Variants in PPP2R2D observed in about 807,000 individuals in gnomAD.
PPP2R2D encodes protein phosphatase 2 regulatory subunit Bdelta, also known as serine/threonine-protein phosphatase 2A 55 kDa regulatory subunit B delta isoform.
Under a neutral mutation model 31.1 loss-of-function variants are expected in PPP2R2D, and 9 were observed. The ratio of observed to expected loss-of-function variants is 0.29; its 90% CI spans 0.17 to 0.51. The LOEUF is 0.51. PPP2R2D is among the 20% of genes least tolerant of loss of function. The probability of loss-of-function intolerance (pLI) is 0.98; values close to 1 mark genes in which losing one functional copy is unlikely to be tolerated. For missense variants in PPP2R2D, 391 were observed against 465.6 expected, an observed-to-expected ratio of 0.84 and a Z score of 1.48; for synonymous variants, 179 against 172.6, an observed-to-expected ratio of 1.04 and a Z score of -0.29.
At chr10:131,953,786 A>G (rs1257648471) in intron 8 of PPP2R2D, among the ~76,000 whole-genome samples, 4 of 151,186 alleles carry the variant, frequency 2.6e-5, no homozygotes, top group African/African-American at 9.7e-5. Context: ...CGGGGGGTTC[A>G]CTGTCTTAGC....
intron 2 of PPP2R2D, among the ~76,000 whole-genome samples, 176 bp from the exon 3 acceptor site, chr10:131,934,282 A>G (rs1277056340): frequency 6.6e-6 from 1 of 152,200 alleles, no homozygotes; most frequent in Non-Finnish European, 1.5e-5. Context: ...GGTTCTCTGC[A>G]CCAGAACCAA....
chr10:131,960,909 C>T (rs939336184), downstream of PPP2R2D, among the ~76,000 whole-genome samples: 9 of 152,288 alleles, frequency 5.9e-5, no homozygotes, highest in Non-Finnish European at 1.0e-4. Context: ...GATGGGCTTG[C>T]TGTATGAGGG....
chr10:131,922,521 C>T (rs371115956), intron 2 of PPP2R2D, among the ~76,000 whole-genome samples: 15 of 149,742 alleles, frequency 1.0e-4, no homozygotes, highest in African/African-American at 3.7e-4. Flanking sequence ...GGCTTGATCT[C>T]AGCTCACTGC....
At chr10:131,930,673 T>G (rs1211016201) in intron 2 of PPP2R2D, among the ~76,000 whole-genome samples, 3 of 152,214 alleles carry the variant, frequency 2.0e-5, no homozygotes, top group Non-Finnish European at 4.4e-5. Context: ...TGTGACCTGT[T>G]CATTTGCTCT....
intron 2 of PPP2R2D, among the ~76,000 whole-genome samples, chr10:131,901,952 T>G (rs909792653): frequency 6.6e-6 from 1 of 152,216 alleles, no homozygotes; most frequent in Admixed American, 6.5e-5. Flanking sequence ...CTATTCCAGA[T>G]TTTAGTCTTG....
At chr10:131,971,177 C>T in the PPP2R2D span, 59 of 575,272 alleles carry the variant, frequency 1.0e-4, 1 homozygote, top group East Asian at 6.8e-4. Flanking sequence ...GCACGCTCGC[C>T]GCCTCCAGGG....
intron 2 of PPP2R2D, among the ~76,000 whole-genome samples, chr10:131,906,124 G>C (rs1355741376): frequency 6.6e-6 from 1 of 152,126 alleles, no homozygotes; most frequent in Non-Finnish European, 1.5e-5. Context: ...TGCCTGTGAT[G>C]TCACTTTCCA....
At chr10:131,923,163 C>G (rs2036027072) in intron 2 of PPP2R2D, among the ~76,000 whole-genome samples, 1 of 152,192 alleles carries the variant, frequency 6.6e-6, no homozygotes, top group African/African-American at 2.4e-5. Context: ...CACCCTCTGC[C>G]CTCTGGTAAC....
chr10:131,947,445 AG>A lies in PPP2R2D; in HGVS notation c.821-81del. On this transcript the variant is annotated intron_variant, in intron 7 of 8. Transcript: ENST00000455566. The surrounding 1 kb of genome is among the most constrained non-coding windows in gnomAD (Gnocchi z 4.3). Reference sequence around the variant, plus strand: ...CCAAGCCCTTCCAGAGTCTCTCTGAAGGGGCCACTTCCTACTTGAACTTGAA... The same window carrying A: ...CCAAGCCCTTCCAGAGTCTCTCTGAAGGGCCACTTCCTACTTGAACTTGAA... The A allele has an allele frequency of 7.0e-7, 1 of 1,430,426 alleles. No individual in the cohort carries two copies. Among genetic ancestry groups the A allele is most frequent in the East Asian group, 2.4e-5 (1 of 42,152 alleles). The allele number at this position is 1,430,426 out of a possible 1,614,324, so 88.6% of individuals were successfully genotyped here.
At chr10:131,940,226 A>G (rs1554897025) in intron 4 of PPP2R2D, 30 bp downstream of exon 4, 4 of 633,816 alleles carry the variant, frequency 6.3e-6, no homozygotes, top group Non-Finnish European at 1.2e-5. Flanking sequence ...TGGCTGTTTG[A>G]TTTAGTTTTT....
At chr10:131,927,783 G>T (rs2036136130) in intron 2 of PPP2R2D, among the ~76,000 whole-genome samples, 2 of 152,204 alleles carry the variant, frequency 1.3e-5, no homozygotes, top group South Asian at 4.1e-4. Flanking sequence ...TTACGCGATG[G>T]TCATTTGTTT....
At chr10:131,964,375 G>A (rs550071383), downstream of PPP2R2D, among the ~76,000 whole-genome samples, 7 of 151,328 alleles carry the variant, frequency 4.6e-5, no homozygotes, top group Middle Eastern at 3.4e-3. Flanking sequence ...CACCACCACC[G>A]GGACCCAGGG....
chr10:131,963,696 CCCAGT>C (rs2036948890), downstream of PPP2R2D, among the ~76,000 whole-genome samples: 1 of 152,264 alleles, frequency 6.6e-6, no homozygotes, highest in Non-Finnish European at 1.5e-5. Context: ...GCGCTGACAC[CCCAGT>C]CCAGGGACCA....
chr10:131,935,748 T>C (rs1358691284), intron 3 of PPP2R2D, among the ~76,000 whole-genome samples: 6 of 152,154 alleles, frequency 3.9e-5, no homozygotes, highest in African/African-American at 1.4e-4. Flanking sequence ...AGAAGTAGAA[T>C]ATCACACAAT....
chr10:131,968,096 T>C, the PPP2R2D span: 1 of 156,186 alleles, frequency 6.4e-6, no homozygotes. Flanking sequence ...AAGGCCACAA[T>C]ATTTATTTTG....
chr10:131,950,749 A>G (rs2119963810), intron 8 of PPP2R2D, among the ~76,000 whole-genome samples: 1 of 152,252 alleles, frequency 6.6e-6, no homozygotes, highest in Non-Finnish European at 1.5e-5. Flanking sequence ...GGACGGCCTT[A>G]GTTATCTGTG....
chr10:131,952,960 G>A (rs1346604126), intron 8 of PPP2R2D, among the ~76,000 whole-genome samples: 2 of 90,122 alleles, frequency 2.2e-5, no homozygotes, highest in Non-Finnish European at 2.2e-5. Flanking sequence ...AGTGACTTGC[G>A]AGTGTGCGGG....
intron 2 of PPP2R2D, among the ~76,000 whole-genome samples, chr10:131,910,293 G>GC (rs2035662710): frequency 6.6e-6 from 1 of 150,824 alleles, no homozygotes; most frequent in Non-Finnish European, 1.5e-5. Context: ...ACATGGAGTT[G>GC]TTTTTTTTTC....
At chr10:131,935,547 A>G (rs1030657191) in intron 3 of PPP2R2D, among the ~76,000 whole-genome samples, 2 of 152,222 alleles carry the variant, frequency 1.3e-5, no homozygotes, top group African/African-American at 4.8e-5. Context: ...GAAAATTGAC[A>G]GGTGCTAACC....
Sources: allele counts gnomAD v4.1 joint callset (sites outside exome capture counted in the v4.1 genomes callset), GRCh38; gene constraint gnomAD v4.1.1; non-coding constraint Gnocchi (gnomAD v3.1); transcripts MANE v1.5; gene names NCBI Gene and HGNC (gene_info 2026-07-23, HGNC 2026-07-21).